TXK: variants seen among roughly 807,000 people sequenced by gnomAD.
TXK encodes tyrosine-protein kinase TXK.
Under a neutral mutation model 81.0 loss-of-function variants are expected in TXK, and 60 were observed. The observed-to-expected ratio is 0.74, with a 90% CI of 0.60 to 0.92. The LOEUF (loss-of-function observed/expected upper bound fraction) is 0.92. TXK is among the 40% of genes least tolerant of loss of function. The pLI is 0.00. For synonymous variants in TXK, 203 were observed against 210.7 expected, an observed-to-expected ratio of 0.96 and a Z score of 0.32; for missense variants, 581 against 638.3, an observed-to-expected ratio of 0.91 and a Z score of 0.97.
intron 1 of TXK, among the ~76,000 whole-genome samples, chr4:48,131,663 T>A (rs1318322557): frequency 1.3e-5 from 2 of 152,310 alleles, no homozygotes; most frequent in South Asian, 4.1e-4. Context: ...CCAGAGAGAA[T>A]AATCCTCAAA....
At chr4:48,100,124 A>T (rs1222618440) in intron 6 of TXK, among the ~76,000 whole-genome samples, 1 of 135,906 alleles carries the variant, frequency 7.4e-6, no homozygotes, top group Non-Finnish European at 1.6e-5. Context: ...GTGAGCGGAG[A>T]TCGCGCCACA....
intron 11 of TXK, among the ~76,000 whole-genome samples, chr4:48,077,610 C>A (rs1450143818): frequency 2.0e-5 from 3 of 151,990 alleles, no homozygotes; most frequent in Non-Finnish European, 2.9e-5. Context: ...TCCGGAAAGA[C>A]AAACCTGCAG....
At chr4:48,079,067 C>T (rs1295515096) in intron 11 of TXK, among the ~76,000 whole-genome samples, 1 of 152,224 alleles carries the variant, frequency 6.6e-6, no homozygotes, top group Non-Finnish European at 1.5e-5. Flanking sequence ...ATGAAATCTC[C>T]TTTGCAAAAT....
At chr4:48,105,534 G>A (rs1378091339) in intron 5 of TXK, among the ~76,000 whole-genome samples, 1 of 152,148 alleles carries the variant, frequency 6.6e-6, no homozygotes, top group Non-Finnish European at 1.5e-5. Context: ...AAAGCAGGGA[G>A]GATGGAAGTG....
At chr4:48,085,010 A>G (rs954158060) in intron 10 of TXK, among the ~76,000 whole-genome samples, 2 of 152,224 alleles carry the variant, frequency 1.3e-5, no homozygotes, top group Non-Finnish European at 2.9e-5. Flanking sequence ...TGGAAAACAG[A>G]GCAGAATCTA....
At position 48,112,355 on chromosome 4, in the gene TXK, A is replaced by G. The variant is rs369138737; in HGVS notation, c.332T>C (p.Ile111Thr). ...CCAGTGAGGATTGTATTTCTCCAGT[A>G]TCAGGTATTCTTCTGCTCTCCTTAA... ...LALRRAEEYL[I>T]LEKYNPHWWK... is the part of the protein sequence containing the mutation. The change falls in exon 4 of 15, where the codon ATA becomes ACA. Residue 111 changes from isoleucine (I) to threonine (T), a missense_variant. By Grantham distance (89) the Ile-to-Thr change is moderately conservative. Coordinates refer to ENST00000264316, the MANE Select transcript of TXK (RefSeq NM_003328.3). 38 of 1,614,052 alleles carry G rather than the reference A, an allele frequency of 2.4e-5. No homozygotes were observed. Among genetic ancestry groups the G allele is most frequent in the Non-Finnish European group, 2.9e-5 (34 of 1,180,034 alleles).
intron 9 of TXK, chr4:48,089,311 CT>C (rs1717658396): frequency 6.5e-6 from 1 of 153,662 alleles, no homozygotes; most frequent in Non-Finnish European, 1.4e-5. Context: ...GTGATGTAAA[CT>C]TTGAGAAGAA....
chr4:48,108,713 G>A (rs549792204), intron 5 of TXK, among the ~76,000 whole-genome samples: 142 of 152,196 alleles, frequency 9.3e-4, no homozygotes, highest in Non-Finnish European at 1.2e-3. Context: ...TAAAAAGGAT[G>A]ATTTTTTAAA....
intron 5 of TXK, among the ~76,000 whole-genome samples, chr4:48,106,625 T>C (rs570864917): frequency 6.6e-5 from 10 of 152,286 alleles, no homozygotes; most frequent in East Asian, 1.9e-4. Context: ...GTAAACAGTA[T>C]TGTGTTCTTG....
chr4:48,101,322 T>C (rs1718185080), intron 6 of TXK, among the ~76,000 whole-genome samples: 1 of 152,166 alleles, frequency 6.6e-6, no homozygotes, highest in Admixed American at 6.5e-5. Flanking sequence ...GCAGCATATC[T>C]GGACTGTTAC....
At position 48,112,323 on chromosome 4, in the gene TXK, C is replaced by T; in HGVS notation, c.364G>A (p.Ala122Thr). The change falls in exon 4 of 15, where the codon GCA becomes ACA. Residue 122 changes from alanine to threonine, a missense_variant. Transcript: ENST00000264316. ...LEKYNPHWWKARDRLGNEGLI... is the reference protein window; with the variant it reads ...LEKYNPHWWKTRDRLGNEGLI... ...GTGTCTTACCCCAAACGGTCTCTTG[C>T]CTTCCACCAGTGAGGATTGTATTTC... 18 of 1,614,166 alleles carry T rather than the reference C, an allele frequency of 1.1e-5. No homozygotes were observed. The highest frequency in any genetic ancestry group is 1.5e-5 in the Non-Finnish European group (18 of 1,180,014).
intron 1 of TXK, among the ~76,000 whole-genome samples, chr4:48,125,933 A>G (rs1410340447): frequency 6.6e-6 from 1 of 152,218 alleles, no homozygotes; most frequent in African/African-American, 2.4e-5. Flanking sequence ...GGAGAGGCCC[A>G]CTCACATGAT....
chr4:48,084,523 TC>T (rs1717434410), intron 10 of TXK, among the ~76,000 whole-genome samples: 1 of 152,186 alleles, frequency 6.6e-6, no homozygotes, highest in Non-Finnish European at 1.5e-5. Context: ...TGTCTCCCAT[TC>T]ATTCTTTTTT....
At chr4:48,117,108 G>T (rs1170561883) in intron 1 of TXK, among the ~76,000 whole-genome samples, 1 of 152,052 alleles carries the variant, frequency 6.6e-6, no homozygotes, top group Non-Finnish European at 1.5e-5. Flanking sequence ...GCCTAGTCTC[G>T]GACTCCTGAC....
intron 8 of TXK, among the ~76,000 whole-genome samples, chr4:48,092,299 G>A (rs143798655): frequency 1.3e-5 from 2 of 152,268 alleles, no homozygotes; most frequent in African/African-American, 4.8e-5. Flanking sequence ...AAGAATAGAA[G>A]TAGGGCACAT....
chr4:48,114,436 G>A (rs745980446), intron 1 of TXK, 34 bp from the exon 2 acceptor site: 2 of 1,608,392 alleles, frequency 1.2e-6, no homozygotes, highest in South Asian at 1.1e-5. Flanking sequence ...CTGTTAGAAA[G>A]CCATGAGTAC....
rs1299619443 is a variant in TXK at position 48,112,352 on chromosome 4, A to G, written c.335T>C (p.Leu112Pro). The G allele has an allele frequency of 6.2e-7, 1 of 1,614,222 alleles. No homozygotes were observed. Among genetic ancestry groups the G allele is most frequent in the East Asian group, 2.2e-5 (1 of 44,880 alleles). Residue 112 changes from leucine (L) to proline (P), a missense_variant, in exon 4 of 15, where the codon CTG becomes CCG. By Grantham distance (98) the Leu-to-Pro change is moderately conservative. Coordinates refer to ENST00000264316, the MANE Select transcript of TXK (RefSeq NM_003328.3). Reference sequence around the variant, plus strand: ...CCACCAGTGAGGATTGTATTTCTCCAGTATCAGGTATTCTTCTGCTCTCCT... The same window carrying G: ...CCACCAGTGAGGATTGTATTTCTCCGGTATCAGGTATTCTTCTGCTCTCCT... ...ALRRAEEYLILEKYNPHWWKA... is the reference protein window; with the variant it reads ...ALRRAEEYLIPEKYNPHWWKA...
chr4:48,102,274 C>A (rs114390474), intron 6 of TXK, among the ~76,000 whole-genome samples: 2,203 of 152,292 alleles, frequency 0.014, 18 homozygotes, highest in Middle Eastern at 0.041. Context: ...CCACCACCCC[C>A]AGCTGTATTT....
At chr4:48,095,625 GT>G (rs1436904617) in intron 6 of TXK, among the ~76,000 whole-genome samples, 1 of 152,178 alleles carries the variant, frequency 6.6e-6, no homozygotes, top group African/African-American at 2.4e-5. Flanking sequence ...GAGCAACAAG[GT>G]GACAGGGAGG....
Sources: gnomAD v4.1 joint callset for allele counts (sites outside exome capture counted in the v4.1 genomes callset) on GRCh38, gnomAD v4.1.1 for gene constraint, MANE v1.5 for transcripts, NCBI Gene and HGNC (gene_info 2026-07-23, HGNC 2026-07-21) for gene names.